CCDC60: variants seen among roughly 807,000 people sequenced by gnomAD.
CCDC60 encodes coiled-coil domain-containing protein 60.
A neutral mutation model predicts 63.5 loss-of-function variants in CCDC60; 54 were observed. That is an observed-to-expected ratio of 0.85 (90% CI 0.68 to 1.07). The LOEUF (loss-of-function observed/expected upper bound fraction) is 1.07, where lower values mean the gene tolerates loss of function less well. Among genes scored for constraint, CCDC60 ranks in the 50% least tolerant of loss-of-function variants. The pLI is 0.00. For missense variants in CCDC60, 651 were observed against 684.3 expected, an observed-to-expected ratio of 0.95 and a Z score of 0.54; for synonymous variants, 206 against 238.8, an observed-to-expected ratio of 0.86 and a Z score of 1.27.
chr12:119,390,771 C>G (rs989282948), intron 1 of CCDC60, among the ~76,000 whole-genome samples: 61 of 152,290 alleles, frequency 4.0e-4, no homozygotes, highest in African/African-American at 1.5e-3. Context: ...TTCTAGTTCC[C>G]GAGCCACACT....
intron 13 of CCDC60, among the ~76,000 whole-genome samples, chr12:119,533,250 C>T (rs922495215): frequency 1.3e-5 from 2 of 152,144 alleles, no homozygotes; most frequent in Non-Finnish European, 2.9e-5. Flanking sequence ...CCTTCACCTA[C>T]TTTTTGATGG....
intron 1 of CCDC60, among the ~76,000 whole-genome samples, chr12:119,354,744 C>T (rs1955699200): frequency 1.3e-5 from 2 of 152,336 alleles, no homozygotes; most frequent in African/African-American, 4.8e-5. Context: ...CAAAGGCTGG[C>T]TCTCAGCCTT....
At chr12:119,498,597 A>G (rs1041228555) in intron 5 of CCDC60, among the ~76,000 whole-genome samples, 3 of 152,158 alleles carry the variant, frequency 2.0e-5, no homozygotes, top group Non-Finnish European at 4.4e-5. Context: ...TTGGCCTCCC[A>G]AAGTGCTGGG....
chr12:119,428,822 G>T, intron 2 of CCDC60, 60 bp downstream of exon 2: 1 of 1,125,830 alleles, frequency 8.9e-7, no homozygotes, highest in South Asian at 1.3e-5. Context: ...GCAGGCTATG[G>T]GGTGTTGCCT....
rs1294486330 is a variant in CCDC60 at position 119,491,726 on chromosome 12, TC to T, written c.557+2862del. Among the ~76,000 whole-genome samples the T allele has an allele frequency of 8.6e-4, 129 of 150,130 alleles. 1 individual carries two copies. Among genetic ancestry groups the T allele is most frequent in the African/African-American group, 3.0e-3 (123 of 41,012 alleles). ...AAAAGCAATATCTTTTTTTTTTTTT[TC>T]CTTACTTGATTGCTTACATTCTAAG... is the stretch of plus-strand genomic sequence containing the variant. On this transcript the variant is annotated intron_variant, in intron 5 of 13. Coordinates refer to ENST00000327554, the MANE Select transcript of CCDC60 (RefSeq NM_178499.5).
At chr12:119,381,452 C>T (rs990291274) in intron 1 of CCDC60, among the ~76,000 whole-genome samples, 2 of 152,296 alleles carry the variant, frequency 1.3e-5, no homozygotes, top group Middle Eastern at 3.4e-3. Flanking sequence ...GCCAAGCAAA[C>T]GTGGCAGGAT....
chr12:119,507,560 A>G (rs1410797337), intron 7 of CCDC60, among the ~76,000 whole-genome samples: 1 of 68,888 alleles, frequency 1.5e-5, no homozygotes, highest in Non-Finnish European at 2.4e-5. Context: ...ACATATATAT[A>G]TATATATATG....
chr12:119,485,453 A>G (rs1228665328), intron 4 of CCDC60, among the ~76,000 whole-genome samples: 1 of 152,218 alleles, frequency 6.6e-6, no homozygotes, highest in African/African-American at 2.4e-5. Context: ...TGGCTTAAAG[A>G]ACAGAAACGT....
chr12:119,464,117 GA>G (rs1430540816), intron 2 of CCDC60, among the ~76,000 whole-genome samples: 1 of 140,958 alleles, frequency 7.1e-6, no homozygotes, highest in Non-Finnish European at 1.5e-5. Context: ...AAAGGAGCAA[GA>G]ACTTTATTCA....
chr12:119,491,264 A>AT (rs1951576885), intron 5 of CCDC60, among the ~76,000 whole-genome samples: 2 of 152,130 alleles, frequency 1.3e-5, no homozygotes, highest in African/African-American at 4.8e-5. Context: ...TCATTTCCCA[A>AT]TTTTTGACAT....
At chr12:119,349,337 C>CTTT (rs34682909) in intron 1 of CCDC60, among the ~76,000 whole-genome samples, 48 of 126,256 alleles carry the variant, frequency 3.8e-4, no homozygotes, top group Admixed American at 4.1e-4. Flanking sequence ...GGGCGTGTTC[C>CTTT]TTTTTTTTTT....
At chr12:119,506,867 A>T (rs1259406948) in intron 7 of CCDC60, among the ~76,000 whole-genome samples, 1 of 152,186 alleles carries the variant, frequency 6.6e-6, no homozygotes, top group Admixed American at 6.5e-5. Context: ...AGATAGGAAA[A>T]GCAAGAGAAG....
intron 1 of CCDC60, among the ~76,000 whole-genome samples, chr12:119,384,176 A>G (rs2136188076): frequency 6.6e-6 from 1 of 152,160 alleles, no homozygotes; most frequent in East Asian, 1.9e-4. Flanking sequence ...AGCCTAGGGG[A>G]CAGAGCAAGA....
At chr12:119,428,821 G>A in intron 2 of CCDC60, 59 bp downstream of exon 2, 1 of 1,146,222 alleles carries the variant, frequency 8.7e-7, no homozygotes, top group South Asian at 1.3e-5. Flanking sequence ...AGCAGGCTAT[G>A]GGGTGTTGCC....
At chr12:119,425,424 A>G (rs562714282) in intron 1 of CCDC60, among the ~76,000 whole-genome samples, 17 of 152,354 alleles carry the variant, frequency 1.1e-4, no homozygotes, top group African/African-American at 4.1e-4. Flanking sequence ...GAACTAGTTA[A>G]AAGAAGTCTC....
chr12:119,509,496 A>G (rs1952150446), intron 7 of CCDC60, among the ~76,000 whole-genome samples: 1 of 152,154 alleles, frequency 6.6e-6, no homozygotes, highest in African/African-American at 2.4e-5. Flanking sequence ...CTGAATGACA[A>G]CAATCAACTG....
chr12:119,493,379 T>G (rs762855071), intron 5 of CCDC60, among the ~76,000 whole-genome samples: 18 of 152,154 alleles, frequency 1.2e-4, no homozygotes, highest in African/African-American at 2.7e-4. Flanking sequence ...AAAATTTCAC[T>G]AACCGGCAGT....
chr12:119,523,567 C>G, intron 10 of CCDC60, 126 bp from the exon 11 acceptor site: 1 of 1,333,766 alleles, frequency 7.5e-7, no homozygotes, highest in South Asian at 1.4e-5. Flanking sequence ...GGCAGAGAAC[C>G]CAGGTGGCTA....
intron 3 of CCDC60, among the ~76,000 whole-genome samples, chr12:119,476,331 G>A (rs1951177746): frequency 6.6e-6 from 1 of 152,184 alleles, no homozygotes; most frequent in African/African-American, 2.4e-5. Flanking sequence ...GGATGTAAAA[G>A]CTGGGTTAAT....
Sources: allele counts gnomAD v4.1 joint callset (sites outside exome capture counted in the v4.1 genomes callset), GRCh38; gene constraint gnomAD v4.1.1; transcripts MANE v1.5; gene names NCBI Gene and HGNC (gene_info 2026-07-23, HGNC 2026-07-21).